Variants in KHDRBS2 observed in about 807,000 individuals in gnomAD.
KHDRBS2 encodes the protein KH RNA binding domain containing, signal transduction associated 2, also known as KH domain-containing, RNA-binding, signal transduction-associated protein 2.
A neutral mutation model predicts 44.3 loss-of-function variants in KHDRBS2; 26 were observed. The observed-to-expected ratio is 0.59, with a 90% CI of 0.43 to 0.81. The LOEUF is 0.81. KHDRBS2 is among the 40% of genes least tolerant of loss of function. The pLI is 0.00. For synonymous variants in KHDRBS2, 194 were observed against 151.1 expected (o/e 1.28, Z -2.08); for missense variants, 476 against 433.1 (o/e 1.10, Z -0.88).
intron 7 of KHDRBS2, among the ~76,000 whole-genome samples, chr6:61,706,751 AT>A (rs1769632693): frequency 6.6e-6 from 1 of 151,812 alleles, no homozygotes; most frequent in Non-Finnish European, 1.5e-5. Context: ...CAAGGTATGC[AT>A]GAACAGAATA....
intron 3 of KHDRBS2, among the ~76,000 whole-genome samples, chr6:61,983,971 C>G (rs1270993910): frequency 6.6e-6 from 1 of 152,126 alleles, no homozygotes; most frequent in Non-Finnish European, 1.5e-5. Flanking sequence ...ACTTTTTCTA[C>G]CACCCTCCTC....
intron 2 of KHDRBS2, among the ~76,000 whole-genome samples, chr6:62,137,832 A>C (rs16881357): frequency 0.012 from 1,779 of 152,230 alleles, 36 homozygotes; most frequent in African/African-American, 0.041. Flanking sequence ...TTCATACATT[A>C]TTTAAAATAT....
intron 6 of KHDRBS2, among the ~76,000 whole-genome samples, chr6:61,875,690 C>T (rs1799313965): frequency 6.6e-6 from 1 of 151,980 alleles, no homozygotes; most frequent in African/African-American, 2.4e-5. Context: ...TAAAATCAAC[C>T]TTCTAACAGG....
At chr6:61,808,951 A>G (rs1787639274) in intron 6 of KHDRBS2, among the ~76,000 whole-genome samples, 1 of 152,130 alleles carries the variant, frequency 6.6e-6, no homozygotes, top group Non-Finnish European at 1.5e-5. Flanking sequence ...ATTTGGCATA[A>G]AATGTGTTTA....
chr6:61,898,817 T>C (rs1369027200), intron 5 of KHDRBS2, among the ~76,000 whole-genome samples: 5 of 151,918 alleles, frequency 3.3e-5, no homozygotes, highest in Non-Finnish European at 7.4e-5. Context: ...ACTTACTTAA[T>C]ACTTTTAAGG....
chr6:62,071,468 T>C (rs1795070793), intron 2 of KHDRBS2, among the ~76,000 whole-genome samples: 1 of 152,180 alleles, frequency 6.6e-6, no homozygotes, highest in Non-Finnish European at 1.5e-5. Flanking sequence ...ATTTTTATGG[T>C]TTTAGGTCTA....
intron 2 of KHDRBS2, among the ~76,000 whole-genome samples, chr6:62,142,094 T>C (rs1472064901): frequency 6.6e-6 from 1 of 152,052 alleles, no homozygotes; most frequent in African/African-American, 2.4e-5. Flanking sequence ...CTTCTGAATA[T>C]ACTGAATTTG....
intron 6 of KHDRBS2, among the ~76,000 whole-genome samples, chr6:61,740,186 G>C (rs1414148470): frequency 6.6e-6 from 1 of 151,916 alleles, no homozygotes; most frequent in Non-Finnish European, 1.5e-5. Context: ...GTTGTTGTTT[G>C]AGATTGGTAT....
intron 6 of KHDRBS2, among the ~76,000 whole-genome samples, chr6:61,818,624 A>G (rs545238037): frequency 5.4e-4 from 82 of 152,118 alleles, no homozygotes; most frequent in African/African-American, 1.9e-3. Context: ...ACACTGGACA[A>G]TGGAATGACA....
the KHDRBS2 span, among the ~76,000 whole-genome samples, chr6:61,550,372 C>T: frequency 3.3e-5 from 5 of 152,230 alleles, no homozygotes; most frequent in African/African-American, 1.2e-4. Context: ...AGGGCATGAT[C>T]TCATTTTTTA....
At chr6:61,661,930 G>C in the KHDRBS2 span, among the ~76,000 whole-genome samples, 19 of 151,570 alleles carry the variant, frequency 1.3e-4, no homozygotes, top group Admixed American at 4.6e-4. Flanking sequence ...AAAAGAGCCC[G>C]CATCGCCAAG....
intron 6 of KHDRBS2, among the ~76,000 whole-genome samples, chr6:61,746,148 G>A (rs750827658): frequency 2.6e-5 from 4 of 152,038 alleles, no homozygotes; most frequent in Non-Finnish European, 5.9e-5. Context: ...ATGTGCCATG[G>A]TGGTTTCCTG....
intron 1 of KHDRBS2, among the ~76,000 whole-genome samples, chr6:62,183,975 G>A (rs1427446091): frequency 1.3e-5 from 2 of 151,604 alleles, no homozygotes; most frequent in Non-Finnish European, 3.0e-5. Flanking sequence ...ATATCACCAA[G>A]TAAAGTTTAT....
chr6:61,652,465 A>T, the KHDRBS2 span: 628 of 151,944 alleles, frequency 4.1e-3, 1 homozygote, highest in African/African-American at 0.014. Flanking sequence ...TATAATTTAA[A>T]CTTATTCACT....
chr6:61,841,430 T>G (rs1180525707), intron 6 of KHDRBS2, among the ~76,000 whole-genome samples: 1 of 152,126 alleles, frequency 6.6e-6, no homozygotes, highest in African/African-American at 2.4e-5. Flanking sequence ...AATAATTCTG[T>G]TTAAAATAAA....
chr6:61,613,006 CAA>C, the KHDRBS2 span, among the ~76,000 whole-genome samples: 1 of 151,918 alleles, frequency 6.6e-6, no homozygotes, highest in Non-Finnish European at 1.5e-5. Flanking sequence ...GTGCCCGCCA[CAA>C]CTCCCGGCTA....
Position 61,821,684 on chromosome 6 carries a change from GT to G in KHDRBS2, c.810+72950del, listed in dbSNP as rs943325610. ...AGACTCATTTTACTGCTGCAATAAA[GT>G]TTTTTTTTCCACTTATAAGCCTTGG... On this transcript the variant is annotated intron_variant, in intron 6 of 8. Coordinates refer to ENST00000281156, the MANE Select transcript of KHDRBS2 (RefSeq NM_152688.4). Among the ~76,000 whole-genome samples the G allele has an allele frequency of 5.5e-4, 83 of 151,292 alleles. 1 individual carries two copies. The highest frequency in any genetic ancestry group is 3.4e-3 in the Middle Eastern group (1 of 292).
chr6:62,169,447 T>C (rs199772252), intron 2 of KHDRBS2, among the ~76,000 whole-genome samples: 1 of 152,068 alleles, frequency 6.6e-6, no homozygotes, highest in East Asian at 2.0e-4. Flanking sequence ...GAAGCTCATG[T>C]GTACTGCTCT....
chr6:62,178,940 T>C (rs1302038834), intron 1 of KHDRBS2, among the ~76,000 whole-genome samples: 3 of 151,556 alleles, frequency 2.0e-5, no homozygotes, highest in African/African-American at 4.8e-5. Context: ...TTTATTTATA[T>C]TGCATTTTAC....
Sources: gnomAD v4.1 joint callset for allele counts (sites outside exome capture counted in the v4.1 genomes callset) on GRCh38, gnomAD v4.1.1 for gene constraint, MANE v1.5 for transcripts, NCBI Gene and HGNC (gene_info 2026-07-23, HGNC 2026-07-21) for gene names.